The following RBMS3 variants were observed in gnomAD, a reference collection of about 807,000 sequenced individuals.
RBMS3 encodes the protein RNA-binding motif, single-stranded-interacting protein 3.
A neutral mutation model predicts 66.8 loss-of-function variants in RBMS3; 27 were observed. The ratio of observed to expected loss-of-function variants is 0.40; its 90% CI spans 0.30 to 0.56. RBMS3 has a LOEUF of 0.56. Among genes scored for constraint, RBMS3 ranks in the 20% least tolerant of loss-of-function variants. RBMS3 has a pLI of 0.40. For missense variants in RBMS3, 513 were observed against 549.5 expected, an observed-to-expected ratio of 0.93 and a Z score of 0.66; for synonymous variants, 188 against 183.0, an observed-to-expected ratio of 1.03 and a Z score of -0.22.
At chr3:29,575,905 T>C (rs1205935358) in intron 3 of RBMS3, among the ~76,000 whole-genome samples, 1 of 152,162 alleles carries the variant, frequency 6.6e-6, no homozygotes, top group African/African-American at 2.4e-5. Flanking sequence ...AACTTTTTTG[T>C]CTGTATTATC....
At chr3:29,297,414 G>A (rs1333932723) in intron 1 of RBMS3, among the ~76,000 whole-genome samples, 2 of 151,790 alleles carry the variant, frequency 1.3e-5, no homozygotes, top group Admixed American at 6.6e-5. Context: ...GACTTGATAC[G>A]TGAATATAAT....
chr3:29,359,740 T>C (rs1354199013), intron 1 of RBMS3, among the ~76,000 whole-genome samples: 2 of 152,198 alleles, frequency 1.3e-5, no homozygotes, highest in Non-Finnish European at 2.9e-5. Context: ...TATTGGTCTA[T>C]TCAGAGATTC....
intron 4 of RBMS3, among the ~76,000 whole-genome samples, chr3:29,679,363 T>C (rs2051389661): frequency 6.6e-6 from 1 of 152,182 alleles, no homozygotes; most frequent in South Asian, 2.1e-4. Flanking sequence ...AGCCAATCTC[T>C]TAATAGCATT....
At chr3:29,582,669 A>T (rs1481592340) in intron 3 of RBMS3, among the ~76,000 whole-genome samples, 1 of 152,238 alleles carries the variant, frequency 6.6e-6, no homozygotes, top group Non-Finnish European at 1.5e-5. Context: ...TCCTCACCAG[A>T]TGTAGGTACA....
intron 8 of RBMS3, among the ~76,000 whole-genome samples, chr3:29,889,669 AG>A (rs1190152854): frequency 6.6e-6 from 1 of 151,730 alleles, no homozygotes; most frequent in Non-Finnish European, 1.5e-5. Flanking sequence ...TTTGACAATT[AG>A]TCTTTTTTAT....
At chr3:29,702,092 TAA>T (rs1485961675) in intron 4 of RBMS3, among the ~76,000 whole-genome samples, 3 of 152,162 alleles carry the variant, frequency 2.0e-5, no homozygotes, top group Non-Finnish European at 4.4e-5. Flanking sequence ...TCAAGGTTTG[TAA>T]ACACACCAAT....
rs1428454812 is a variant in RBMS3 at position 29,505,507 on chromosome 3, T to G, written c.307+17008T>G. The stretch of plus-strand genomic sequence containing the variant: ...ATGTAGTGTGATGCCTTCAATTTTG[T>G]TTTTTTTTTTTGTTGTTTGTTTGTT... On this transcript the variant is annotated intron_variant, in intron 3 of 14. Transcript: ENST00000383767. Among the ~76,000 whole-genome samples, 42 of 89,158 alleles carry G rather than the reference T, an allele frequency of 4.7e-4. No individual in the cohort carries two copies. In the Admixed American group the frequency reaches 5.1e-3, roughly 11 times the overall value. The allele number at this position is 89,158 out of a possible 152,430, so 58.5% of individuals were successfully genotyped here.
chr3:29,342,700 C>T (rs145143870), intron 1 of RBMS3, among the ~76,000 whole-genome samples: 38 of 152,154 alleles, frequency 2.5e-4, no homozygotes, highest in Admixed American at 1.2e-3. Flanking sequence ...ACTTCTACTT[C>T]GATCAATTAT....
chr3:29,309,905 A>G (rs564364026), intron 1 of RBMS3, among the ~76,000 whole-genome samples: 1 of 151,664 alleles, frequency 6.6e-6, no homozygotes, highest in Non-Finnish European at 1.5e-5. Context: ...CAACTTTTTT[A>G]AAAAAGTTTG....
At position 29,617,067 on chromosome 3, in the gene RBMS3, G is replaced by C. The variant is rs148743762; in HGVS notation, c.399+29862G>C. The C allele has an allele frequency of 9.5e-4, 144 of 152,234 alleles. 1 individual carries two copies. Among genetic ancestry groups the C allele is most frequent in the African/African-American group, 3.3e-3 (139 of 41,546 alleles). 9.4% of individuals were successfully genotyped at this position (152,234 alleles called of 1,614,324 possible). A position where few individuals can be genotyped will look rare whatever the true frequency, so the allele number is the denominator to read the frequency against. On this transcript the variant is annotated intron_variant, in intron 4 of 14. Transcript: ENST00000383767. ...TAAATGAATGAAAAGATGGATAGATGGATGAAAGGAGGAAGGGAGAGAAGA... is the reference window on the plus strand; with the variant it reads ...TAAATGAATGAAAAGATGGATAGATCGATGAAAGGAGGAAGGGAGAGAAGA...
intron 10 of RBMS3, among the ~76,000 whole-genome samples, chr3:29,918,847 A>AT (rs544747066): frequency 1.3e-5 from 2 of 152,170 alleles, no homozygotes; most frequent in South Asian, 4.1e-4. Flanking sequence ...AAAACCCTAC[A>AT]TATTAAGTCT....
intron 4 of RBMS3, among the ~76,000 whole-genome samples, chr3:29,602,680 A>G (rs2048187551): frequency 6.6e-6 from 1 of 152,024 alleles, no homozygotes; most frequent in Non-Finnish European, 1.5e-5. Flanking sequence ...TTTTCTTACA[A>G]CTATTATCTT....
chr3:29,673,709 A>T (rs1247236454), intron 4 of RBMS3, among the ~76,000 whole-genome samples: 3 of 152,212 alleles, frequency 2.0e-5, no homozygotes, highest in African/African-American at 4.8e-5. Flanking sequence ...ACCAGGAAGA[A>T]GTTGAATCCC....
intron 3 of RBMS3, among the ~76,000 whole-genome samples, chr3:29,548,220 G>T (rs1240255001): frequency 6.6e-6 from 1 of 152,072 alleles, no homozygotes; most frequent in Admixed American, 6.6e-5. Context: ...GAGGGCAGGA[G>T]TTTGAGACCA....
intron 3 of RBMS3, among the ~76,000 whole-genome samples, chr3:29,524,150 T>A (rs766448423): frequency 4.6e-5 from 7 of 152,144 alleles, no homozygotes; most frequent in Non-Finnish European, 8.8e-5. Context: ...ACTATTACCA[T>A]GTCAAATTTC....
intron 6 of RBMS3, among the ~76,000 whole-genome samples, chr3:29,837,354 G>T (rs1576954468): frequency 6.6e-6 from 1 of 151,586 alleles, no homozygotes; most frequent in East Asian, 1.9e-4. Flanking sequence ...CTTGTGTCCT[G>T]GGATTGATAT....
At chr3:29,535,427 C>A (rs867865196) in intron 3 of RBMS3, among the ~76,000 whole-genome samples, 7 of 152,086 alleles carry the variant, frequency 4.6e-5, no homozygotes, top group South Asian at 2.1e-4. Flanking sequence ...TGTTCAAATT[C>A]TTTGACTATG....
chr3:29,927,797 A>G (rs1480880703), intron 10 of RBMS3, among the ~76,000 whole-genome samples: 1 of 152,126 alleles, frequency 6.6e-6, no homozygotes, highest in African/African-American at 2.4e-5. Flanking sequence ...TATGTGTGCT[A>G]TGCTAACAAG....
At chr3:29,851,891 G>T (rs2058943795) in intron 6 of RBMS3, among the ~76,000 whole-genome samples, 1 of 152,042 alleles carries the variant, frequency 6.6e-6, no homozygotes, top group South Asian at 2.1e-4. Context: ...TAAGCAAAAA[G>T]AACAAAGTGG....
Sources: allele counts gnomAD v4.1 joint callset (sites outside exome capture counted in the v4.1 genomes callset), GRCh38; gene constraint gnomAD v4.1.1; transcripts MANE v1.5; gene names NCBI Gene and HGNC (gene_info 2026-07-23, HGNC 2026-07-21).